Variants in DPP6 observed in about 807,000 individuals in gnomAD.
The protein encoded by DPP6 is dipeptidyl peptidase like 6, also known as A-type potassium channel modulatory protein DPP6.
DPP6 carries 69 observed loss-of-function variants against 122.6 expected under a neutral mutation model. The ratio of observed to expected loss-of-function variants is 0.56; its 90% CI spans 0.46 to 0.69. DPP6 has a LOEUF of 0.69. Ranked by LOEUF, DPP6 falls within the 30% of genes least tolerant of loss-of-function variation. DPP6 has a pLI of 0.00. For missense variants in DPP6, 928 were observed against 1,116.9 expected (o/e 0.83, Z 2.41); for synonymous variants, 418 against 433.1 (o/e 0.97, Z 0.43).
chr7:154,642,055 GCTCT>G (rs1438244525), intron 6 of DPP6, among the ~76,000 whole-genome samples: 2 of 152,188 alleles, frequency 1.3e-5, no homozygotes, highest in Non-Finnish European at 2.9e-5. Flanking sequence ...ACCTGGAACT[GCTCT>G]CTAAGTTTAT....
At chr7:154,157,731 C>T (rs1322160928) in intron 1 of DPP6, among the ~76,000 whole-genome samples, 3 of 151,966 alleles carry the variant, frequency 2.0e-5, no homozygotes, top group Non-Finnish European at 4.4e-5. Context: ...GTCGGGAGTT[C>T]GAGACCAGCC....
chr7:154,819,505 G>A (rs377108447), intron 16 of DPP6, among the ~76,000 whole-genome samples: 51 of 152,106 alleles, frequency 3.4e-4, no homozygotes, highest in African/African-American at 1.1e-3. Context: ...TGTTGCCCCA[G>A]CTCTGGGTAA....
chr7:154,374,715 G>A lies in DPP6; in HGVS notation c.244-71499G>A, dbSNP rs758194357. Among the ~76,000 whole-genome samples the A allele has an allele frequency of 1.1e-3, 169 of 151,456 alleles. 1 individual carries two copies. Among genetic ancestry groups the A allele is most frequent in the Admixed American group, 2.6e-3 (39 of 15,162 alleles). On this transcript the variant is annotated intron_variant, in intron 1 of 25. Transcript: ENST00000377770. The stretch of plus-strand genomic sequence containing the variant: ...CAACTTCCGACTCCTGGGTTCAAGC[G>A]ATTCTCCTGCCTCAGCCTCCCAAGT...
chr7:154,207,937 A>G (rs1799535669), intron 1 of DPP6, among the ~76,000 whole-genome samples: 1 of 150,932 alleles, frequency 6.6e-6, no homozygotes, highest in African/African-American at 2.5e-5. Flanking sequence ...CCTGGGCAAC[A>G]GAGTGAGACT....
chr7:154,499,076 C>A (rs191507665), intron 3 of DPP6, among the ~76,000 whole-genome samples: 10 of 152,244 alleles, frequency 6.6e-5, no homozygotes, highest in African/African-American at 1.9e-4. Flanking sequence ...CGTGACTAAC[C>A]CTTTGTTACT....
chr7:154,266,880 A>G (rs1246438210), intron 1 of DPP6, among the ~76,000 whole-genome samples: 1 of 152,220 alleles, frequency 6.6e-6, no homozygotes, highest in Non-Finnish European at 1.5e-5. Flanking sequence ...ATGAGTATGA[A>G]AAATTAATCA....
At position 154,755,799 on chromosome 7, in the gene DPP6, A is replaced by C. The variant is rs1359974250; in HGVS notation, c.884-13618A>C. Among the ~76,000 whole-genome samples, 1 of 152,216 alleles carries C rather than the reference A, an allele frequency of 6.6e-6. No homozygotes were observed. Among genetic ancestry groups the C allele is most frequent in the Non-Finnish European group, 1.5e-5 (1 of 68,036 alleles). On this transcript the variant is annotated intron_variant, in intron 8 of 25. Transcript: ENST00000377770. This position sits in a 1 kb window ranked among gnomAD's most constrained non-coding sequence, Gnocchi z 4.7. ...GGATGTTGCCGAGCCCTTGGGTTGGAAGAGGTCGGAGTGGGGCGCGTCCCA... is the reference window on the plus strand; with the variant it reads ...GGATGTTGCCGAGCCCTTGGGTTGGCAGAGGTCGGAGTGGGGCGCGTCCCA...
intron 22 of DPP6, 25 bp downstream of exon 22, chr7:154,885,769 G>C: frequency 6.4e-7 from 1 of 1,560,744 alleles, no homozygotes; most frequent in Non-Finnish European, 8.7e-7. Context: ...AGGACCAAGC[G>C]ACGGGCTCTG....
chr7:154,044,276 G>A (rs1306757360), intron 1 of DPP6, among the ~76,000 whole-genome samples: 1 of 152,182 alleles, frequency 6.6e-6, no homozygotes. Context: ...TTATGAGAAG[G>A]AAATTGTTCG....
At chr7:154,488,455 A>G (rs1285696489) in intron 3 of DPP6, among the ~76,000 whole-genome samples, 3 of 151,830 alleles carry the variant, frequency 2.0e-5, no homozygotes, top group Non-Finnish European at 4.4e-5. Flanking sequence ...TCTGTCTCAA[A>G]AAAAAAAAGA....
chr7:154,795,922 C>T (rs1182171045), intron 12 of DPP6, 39 bp downstream of exon 12: 2 of 1,597,834 alleles, frequency 1.3e-6, no homozygotes, highest in African/African-American at 2.7e-5. Flanking sequence ...GTCACCTCCA[C>T]CTGATCCACC....
At chr7:154,515,458 T>C (rs1356305907) in intron 3 of DPP6, among the ~76,000 whole-genome samples, 1 of 151,906 alleles carries the variant, frequency 6.6e-6, no homozygotes, top group Non-Finnish European at 1.5e-5. Context: ...CTGAGTTCCT[T>C]CCTACCTTCC....
At chr7:154,050,831 T>C (rs1800263939), upstream of DPP6, among the ~76,000 whole-genome samples, 1 of 139,588 alleles carries the variant, frequency 7.2e-6, no homozygotes, top group Admixed American at 7.2e-5. Flanking sequence ...TTCTTCATAG[T>C]AAAGGGTAAC....
intron 7 of DPP6, among the ~76,000 whole-genome samples, chr7:154,722,246 A>G (rs1300296055): frequency 6.6e-6 from 1 of 152,228 alleles, no homozygotes; most frequent in Non-Finnish European, 1.5e-5. Flanking sequence ...TCTGCTGACA[A>G]ATGGAGAAAC....
rs568052924 is a variant in DPP6, at chr7:154,389,398, A to C, written c.244-56816A>C. Among the ~76,000 whole-genome samples the C allele has an allele frequency of 2.6e-5, 4 of 152,244 alleles. No homozygotes were observed. In the East Asian group the frequency reaches 7.7e-4, roughly 29 times the overall value. ...AGTAAATTAGAAATTAATAAAAAGGAGATGATTTCATCAGCTCAACAAGTG... is the reference window on the plus strand; with the variant it reads ...AGTAAATTAGAAATTAATAAAAAGGCGATGATTTCATCAGCTCAACAAGTG... On this transcript the variant is annotated intron_variant, in intron 1 of 25. Transcript: ENST00000377770.
chr7:154,122,934 C>T (rs1261005416), intron 1 of DPP6, among the ~76,000 whole-genome samples: 10 of 152,338 alleles, frequency 6.6e-5, no homozygotes, highest in African/African-American at 2.2e-4. Flanking sequence ...CCATCAGGCC[C>T]GCCTTACTTC....
intron 1 of DPP6, among the ~76,000 whole-genome samples, chr7:153,960,642 CGT>C (rs1304460926): frequency 7.4e-6 from 1 of 135,352 alleles, no homozygotes; most frequent in Non-Finnish European, 1.6e-5. Context: ...TGTGTGTGCA[CGT>C]GTGTGTGTGC....
chr7:154,137,650 T>TG (rs1419049474), intron 1 of DPP6, among the ~76,000 whole-genome samples: 41 of 10,076 alleles, frequency 4.1e-3, no homozygotes, highest in African/African-American at 0.011. Flanking sequence ...GTGGGGGGGG[T>TG]GGGGGGGTGG....
intron 4 of DPP6, among the ~76,000 whole-genome samples, chr7:154,549,539 G>T (rs1563838922): frequency 6.6e-6 from 1 of 152,160 alleles, no homozygotes; most frequent in Non-Finnish European, 1.5e-5. Flanking sequence ...TTCCCCAGGT[G>T]ACTTAATTTG....
Sources: gnomAD v4.1 joint callset for allele counts (sites outside exome capture counted in the v4.1 genomes callset) on GRCh38, gnomAD v4.1.1 for gene constraint, Gnocchi (gnomAD v3.1) non-coding constraint, MANE v1.5 for transcripts, NCBI Gene and HGNC (gene_info 2026-07-23, HGNC 2026-07-21) for gene names.